The following RAP1A variants were observed in gnomAD, a reference collection of about 807,000 sequenced individuals.
The protein encoded by RAP1A is RAP1A, member of RAS oncogene family.
A neutral mutation model predicts 26.4 loss-of-function variants in RAP1A; 6 were observed. That is an observed-to-expected ratio of 0.23 (90% confidence interval 0.12 to 0.45). The LOEUF is 0.45. Ranked by LOEUF, RAP1A falls within the 20% of genes least tolerant of loss-of-function variation. The probability of loss-of-function intolerance (pLI) is 0.99; values close to 1 mark genes in which losing one functional copy is unlikely to be tolerated. For missense variants in RAP1A, 121 were observed against 217.2 expected, an observed-to-expected ratio of 0.56 and a Z score of 2.78; for synonymous variants, 73 against 79.4, an observed-to-expected ratio of 0.92 and a Z score of 0.43.
chr1:111,656,761 C>A (rs1660475085), intron 1 of RAP1A, among the ~76,000 whole-genome samples: 1 of 151,972 alleles, frequency 6.6e-6, no homozygotes, highest in Admixed American at 6.6e-5. Context: ...TCCTGACCTG[C>A]TTTGATGGCT....
rs2101332063 is a variant in RAP1A, at chr1:111,715,408, CTATT to C, written c.*3010_*3013del. On this transcript the variant is annotated 3_prime_UTR_variant, in exon 8 of 8. Coordinates refer to ENST00000369709, the MANE Select transcript of RAP1A (RefSeq NM_002884.4). ...AATACTTTCATAAGCATTGAAGTAACTATTTAAGTCCTAGTACATAAACACTGTG... is the reference window on the plus strand; with the variant it reads ...AATACTTTCATAAGCATTGAAGTAACTAAGTCCTAGTACATAAACACTGTG... The C allele has an allele frequency of 6.6e-6, 1 of 151,880 alleles. No homozygotes were observed. Among genetic ancestry groups the C allele is most frequent in the East Asian group, 1.9e-4 (1 of 5,184 alleles). 9.4% of individuals were successfully genotyped at this position (151,880 alleles called of 1,614,324 possible).
Position 111,700,418 on chromosome 1 carries a change from G to C in RAP1A, c.184-2918G>C, listed in dbSNP as rs758158557. ...TACATGGCAAGAGCAAAGAGTGAGC[G>C]GGAGATGCCACACACTTTTAAACAA... On this transcript the variant is annotated intron_variant, in intron 4 of 7. Transcript: ENST00000369709. Among the ~76,000 whole-genome samples, 3 of 152,098 alleles carry C rather than the reference G, an allele frequency of 2.0e-5. No homozygotes were observed. The South Asian group carries it at 6.2e-4, about 32-fold the overall frequency.
At chr1:111,571,141 C>T (rs1006964487) in intron 1 of RAP1A, among the ~76,000 whole-genome samples, 2 of 152,174 alleles carry the variant, frequency 1.3e-5, no homozygotes, top group African/African-American at 4.8e-5. Context: ...GAATGACTCA[C>T]AGAATTCAGG....
intron 1 of RAP1A, among the ~76,000 whole-genome samples, chr1:111,588,784 A>G (rs1046634521): frequency 3.9e-5 from 6 of 152,214 alleles, no homozygotes; most frequent in African/African-American, 7.2e-5. Context: ...TATTATCATT[A>G]ATGATTTGTT....
intron 1 of RAP1A, among the ~76,000 whole-genome samples, chr1:111,635,168 A>G (rs933082681): frequency 3.3e-5 from 5 of 152,210 alleles, no homozygotes; most frequent in South Asian, 2.1e-4. Context: ...TTTTCTGGGC[A>G]TGGGGATGGG....
At chr1:111,677,721 A>G (rs574190504) in intron 1 of RAP1A, among the ~76,000 whole-genome samples, 82 of 152,312 alleles carry the variant, frequency 5.4e-4, no homozygotes, top group African/African-American at 1.9e-3. Context: ...AAGAGACCAC[A>G]CCACAACCTG....
At position 111,553,559 on chromosome 1, in the gene RAP1A, G is replaced by A. The variant is rs537079862; in HGVS notation, c.-28+11050G>A. Among the ~76,000 whole-genome samples, 43 of 152,256 alleles carry A rather than the reference G, an allele frequency of 2.8e-4. No homozygotes were observed. In the South Asian group the frequency reaches 8.9e-3, roughly 32 times the overall value. Reference sequence around the variant, plus strand: ...TTCTAGCCGGTATGCTGTTACAAAGGTATCTTCCTTAAACCTAATTTCTAC... The same window carrying A: ...TTCTAGCCGGTATGCTGTTACAAAGATATCTTCCTTAAACCTAATTTCTAC... On this transcript the variant is annotated intron_variant, in intron 1 of 7. Transcript: ENST00000356415.
At chr1:111,707,541 T>G (rs1350522799) in intron 6 of RAP1A, among the ~76,000 whole-genome samples, 1 of 152,210 alleles carries the variant, frequency 6.6e-6, no homozygotes, top group Non-Finnish European at 1.5e-5. Context: ...CACAGCACAA[T>G]GATTAGAATC....
intron 1 of RAP1A, among the ~76,000 whole-genome samples, chr1:111,637,091 C>CT (rs1659750379): frequency 6.6e-6 from 1 of 151,912 alleles, no homozygotes; most frequent in Non-Finnish European, 1.5e-5. Flanking sequence ...TGATGAGATG[C>CT]TTTTTCAATT....
At chr1:111,656,767 T>C (rs1370900056) in intron 1 of RAP1A, among the ~76,000 whole-genome samples, 2 of 152,190 alleles carry the variant, frequency 1.3e-5, no homozygotes, top group African/African-American at 4.8e-5. Flanking sequence ...CCTGCTTTGA[T>C]GGCTTCTCTG....
At chr1:111,643,142 A>G (rs1659947602) in intron 1 of RAP1A, among the ~76,000 whole-genome samples, 1 of 152,160 alleles carries the variant, frequency 6.6e-6, no homozygotes, top group Non-Finnish European at 1.5e-5. Context: ...CCTGTTGCAG[A>G]TATTCAACTC....
At chr1:111,666,732 A>G (rs949683376) in intron 1 of RAP1A, among the ~76,000 whole-genome samples, 2 of 152,310 alleles carry the variant, frequency 1.3e-5, no homozygotes, top group African/African-American at 4.8e-5. Context: ...TTTTGACTCA[A>G]AGGGGTCAGG....
At chr1:111,634,291 A>G (rs921422538) in intron 1 of RAP1A, among the ~76,000 whole-genome samples, 1 of 152,152 alleles carries the variant, frequency 6.6e-6, no homozygotes, top group Non-Finnish European at 1.5e-5. Context: ...TTTTAGTTAT[A>G]TAGGCCAAAG....
chr1:111,664,373 C>CAAAAAAAAAAAAAAA (rs57610280), intron 1 of RAP1A, among the ~76,000 whole-genome samples: 8 of 89,868 alleles, frequency 8.9e-5, no homozygotes, highest in Admixed American at 1.4e-4. Flanking sequence ...GACTCCGTCT[C>CAAAAAAAAAAAAAAA]AAAAAAAAAA....
chr1:111,637,150 GTATTA>G lies in RAP1A; in HGVS notation c.-28+17221_-28+17225del, dbSNP rs1418799976. Among the ~76,000 whole-genome samples the G allele has an allele frequency of 5.3e-5, 8 of 151,984 alleles. No homozygotes were observed. The East Asian group carries it at 1.3e-3, about 26-fold the overall frequency. On this transcript the variant is annotated intron_variant, in intron 1 of 7. Coordinates refer to ENST00000369709, the MANE Select transcript of RAP1A (RefSeq NM_002884.4). ...TAGTGTTATTTTTAAAAAATGGTTTGTATTATATTTTTAAAGCCATAGGAATAAAG... is the reference window on the plus strand; with the variant it reads ...TAGTGTTATTTTTAAAAAATGGTTTGTATTTTTAAAGCCATAGGAATAAAG...
rs868615177 is a variant in RAP1A, at chr1:111,690,811, A to G, written c.-27-523A>G. 1.4e-4 allele frequency among the ~76,000 whole-genome samples: 21 copies of G among 152,198 alleles called. 1 individual carries two copies. In the South Asian group the frequency reaches 3.5e-3, roughly 25 times the overall value. On this transcript the variant is annotated intron_variant, in intron 1 of 7. Coordinates refer to ENST00000369709, the MANE Select transcript of RAP1A (RefSeq NM_002884.4). ...TAATAACTGCCTATAGTGTTTAGCA[A>G]TTTCATCTGATCTCCTGTTCACATC...
intron 1 of RAP1A, among the ~76,000 whole-genome samples, chr1:111,573,017 G>A (rs1658079302): frequency 1.3e-5 from 2 of 152,122 alleles, no homozygotes; most frequent in African/African-American, 4.8e-5. Context: ...TTCTGTTCCT[G>A]TGTTAGTTTG....
upstream of RAP1A, among the ~76,000 whole-genome samples, chr1:111,614,871 G>A (rs1318997533): frequency 6.6e-6 from 1 of 152,140 alleles, no homozygotes; most frequent in East Asian, 1.9e-4. Context: ...ATAATATTTA[G>A]TAATGAGAAT....
chr1:111,639,072 T>C (rs1659812831), intron 1 of RAP1A, among the ~76,000 whole-genome samples: 1 of 99,954 alleles, frequency 1.0e-5, no homozygotes, highest in South Asian at 4.1e-4. Context: ...AATCTTTGGT[T>C]TATTGATTGA....
Sources: gnomAD v4.1 joint callset for allele counts (sites outside exome capture counted in the v4.1 genomes callset) on GRCh38, gnomAD v4.1.1 for gene constraint, MANE v1.5 for transcripts, NCBI Gene and HGNC (gene_info 2026-07-23, HGNC 2026-07-21) for gene names.